Variants in MAP1B observed in about 807,000 individuals in gnomAD.
MAP1B encodes the protein microtubule associated protein 1B.
MAP1B carries 12 observed loss-of-function variants against 176.1 expected under a neutral mutation model. The observed-to-expected ratio is 0.07, with a 90% CI of 0.04 to 0.11. The LOEUF (loss-of-function observed/expected upper bound fraction) is 0.11, where lower values mean the gene tolerates loss of function less well. Among genes scored for constraint, MAP1B ranks in the 10% least tolerant of loss-of-function variants. MAP1B has a pLI of 1.00. For synonymous variants in MAP1B, 1,044 were observed against 1,135.0 expected (o/e 0.92, Z 1.61); for missense variants, 2,523 against 2,990.5 (o/e 0.84, Z 3.65).
chr5:72,181,605 T>G (rs1409346894), intron 2 of MAP1B, among the ~76,000 whole-genome samples: 4 of 152,166 alleles, frequency 2.6e-5, no homozygotes, highest in African/African-American at 4.8e-5. Flanking sequence ...TTACCCAGGC[T>G]AGGGTGCAAT....
At chr5:72,152,938 C>T (rs939913031) in intron 2 of MAP1B, among the ~76,000 whole-genome samples, 6 of 152,184 alleles carry the variant, frequency 3.9e-5, no homozygotes, top group East Asian at 1.9e-4. Context: ...GAAGCAGCAA[C>T]GCAATTCCAC....
Position 72,198,833 on chromosome 5 carries a change from C to T in MAP1B, c.5478C>T (p.Ser1826=), listed in dbSNP as rs769295186. The change falls in exon 5 of 7, where the codon TCC becomes TCT. Residue 1826 remains serine, a synonymous_variant. Coordinates refer to ENST00000296755, the MANE Select transcript of MAP1B (RefSeq NM_005909.5). ...SSSSPPIDAA[S]AEPYGFRASV... The stretch of plus-strand genomic sequence containing the variant: ...CTTCTCCACCAATAGATGCAGCATC[C>T]GCAGAGCCCTATGGCTTCCGTGCCT... 1.1e-5 allele frequency: 18 copies of T among 1,614,066 alleles called. 1 individual carries two copies. Among genetic ancestry groups the T allele is most frequent in the South Asian group, 4.4e-5 (4 of 91,086 alleles).
In MAP1B at chr5:72,117,376, T is replaced by A. The variant is rs541773521; in HGVS notation, c.286+1577T>A. Among the ~76,000 whole-genome samples, 23 of 152,316 alleles carry A rather than the reference T, an allele frequency of 1.5e-4. No individual in the cohort carries two copies. In the Middle Eastern group the frequency reaches 0.01, roughly 68 times the overall value. On this transcript the variant is annotated intron_variant, in intron 2 of 6. Coordinates refer to ENST00000296755, the MANE Select transcript of MAP1B (RefSeq NM_005909.5). ...CAAGCTTTTATTTTTTCTCTGTAGG[T>A]TGTTCTGGCTTTTTTACTATGATTG... is the stretch of plus-strand genomic sequence containing the variant.
At position 72,114,881 on chromosome 5, in the gene MAP1B, A is replaced by T. The variant is rs139823369; in HGVS notation, c.185-817A>T. 9.9e-5 allele frequency among the ~76,000 whole-genome samples: 15 copies of T among 152,186 alleles called. 1 individual carries two copies. The East Asian group carries it at 2.9e-3, about 29-fold the overall frequency. On this transcript the variant is annotated intron_variant, in intron 1 of 6. Coordinates refer to ENST00000296755, the MANE Select transcript of MAP1B (RefSeq NM_005909.5). The stretch of plus-strand genomic sequence containing the variant: ...GCCTAGGGAAAGGAAGTCTGATAGG[A>T]CTTCCTTTCCGTTCAGCCTAGGGTA...
At chr5:72,154,485 G>T (rs1254554714) in intron 2 of MAP1B, among the ~76,000 whole-genome samples, 1 of 152,192 alleles carries the variant, frequency 6.6e-6, no homozygotes, top group Non-Finnish European at 1.5e-5. Context: ...ACTACAGATG[G>T]CCATGGGCAG....
In MAP1B at chr5:72,186,563, G is replaced by A; in HGVS notation, c.370-51G>A. On this transcript the variant is annotated intron_variant, in intron 3 of 6. Transcript: ENST00000296755. This position sits in a 1 kb window ranked among gnomAD's most constrained non-coding sequence, Gnocchi z 4.3. Reference sequence around the variant, plus strand: ...AAGGCTAGCCCTGTCCTGAAGGTGGGATGGCAGCACTGCCCATGGCTCAGG... The same window carrying A: ...AAGGCTAGCCCTGTCCTGAAGGTGGAATGGCAGCACTGCCCATGGCTCAGG... 6.3e-7 allele frequency: 1 copy of A among 1,599,578 alleles called. No homozygotes were observed. Among genetic ancestry groups the A allele is most frequent in the Non-Finnish European group, 8.5e-7 (1 of 1,170,908 alleles).
intron 2 of MAP1B, among the ~76,000 whole-genome samples, chr5:72,119,850 C>A (rs530883995): frequency 6.6e-6 from 1 of 152,282 alleles, no homozygotes; most frequent in African/African-American, 2.4e-5. Flanking sequence ...ATTTTAAATA[C>A]TATCATAAAA....
intron 2 of MAP1B, among the ~76,000 whole-genome samples, chr5:72,167,416 C>T (rs1561304099): frequency 1.3e-5 from 2 of 152,192 alleles, no homozygotes; most frequent in African/African-American, 4.8e-5. Flanking sequence ...GGTTCTCTCT[C>T]TACTACTGTT....
At chr5:72,116,341 A>T (rs190371843) in intron 2 of MAP1B, 1 of 316,962 alleles carries the variant, frequency 3.2e-6, no homozygotes, top group Admixed American at 4.9e-5. Context: ...ATCACCCGCC[A>T]TTGCATTACC....
chr5:72,175,022 C>T (rs1255929322), intron 2 of MAP1B, among the ~76,000 whole-genome samples: 1 of 113,040 alleles, frequency 8.8e-6, no homozygotes, highest in Non-Finnish European at 1.8e-5. Flanking sequence ...TCCCTTCCTT[C>T]CCTCCCTCCC....
intron 2 of MAP1B, among the ~76,000 whole-genome samples, chr5:72,126,177 C>A (rs1198580742): frequency 6.6e-6 from 1 of 152,202 alleles, no homozygotes; most frequent in Non-Finnish European, 1.5e-5. Context: ...ACCCTTCCCC[C>A]TCCGGAGAGA....
rs1377680638 is a variant in MAP1B at position 72,198,481 on chromosome 5, C to T, written c.5126C>T (p.Pro1709Leu). ...CATAAGATACCACCTATGGAGGAGC[C>T]GTCCTACACCCAAGATAATGATCTT... ...LSHKIPPMEE[P>L]SYTQDNDLSE... is the part of the protein sequence containing the mutation. Residue 1709 changes from proline (P) to leucine (L), a missense_variant, in exon 5 of 7, where the codon CCG becomes CTG. Pro to Leu is a moderately conservative substitution (Grantham distance 98, BLOSUM62 -3). Around this residue, in one of 4 missense-constraint regions of MAP1B, gnomAD observed 1,925 missense variants for 2,126.0 expected, o/e 0.91. Transcript: ENST00000296755. The T allele has an allele frequency of 8.1e-6, 13 of 1,613,696 alleles. No homozygotes were observed. The highest frequency in any genetic ancestry group is 1.7e-5 in the Admixed American group (1 of 59,990).
Position 72,195,009 on chromosome 5 carries a change from C to A in MAP1B, c.1654C>A (p.Leu552Ile), listed in dbSNP as rs201983368. ...RESLKPAAKPLPSKSVRKESK... is the reference protein window; with the variant it reads ...RESLKPAAKPIPSKSVRKESK... The stretch of plus-strand genomic sequence containing the variant: ...AAGTCTGAAGCCAGCCGCAAAACCA[C>A]TTCCTAGCAAATCCGTGCGCAAGGA... Residue 552 changes from leucine to isoleucine, a missense_variant, in exon 5 of 7, where the codon CTT becomes ATT. Leu to Ile is a conservative substitution (Grantham distance 5). Coordinates refer to ENST00000296755, the MANE Select transcript of MAP1B (RefSeq NM_005909.5). 6.2e-7 allele frequency: 1 copy of A among 1,613,944 alleles called. No individual in the cohort carries two copies. Among genetic ancestry groups the A allele is most frequent in the Non-Finnish European group, 8.5e-7 (1 of 1,179,968 alleles).
At chr5:72,122,928 T>C (rs574576351) in intron 2 of MAP1B, among the ~76,000 whole-genome samples, 2 of 152,148 alleles carry the variant, frequency 1.3e-5, no homozygotes, top group Non-Finnish European at 2.9e-5. Flanking sequence ...AGAGAGCTCA[T>C]GATTTTTGTT....
At chr5:72,109,711 T>C (rs1579975309) in intron 1 of MAP1B, among the ~76,000 whole-genome samples, 1 of 152,308 alleles carries the variant, frequency 6.6e-6, no homozygotes, top group Middle Eastern at 3.4e-3. Context: ...GCAGCGTCAC[T>C]CGTTTTCTGA....
chr5:72,192,418 A>G (rs985583524), intron 4 of MAP1B, among the ~76,000 whole-genome samples: 1 of 152,266 alleles, frequency 6.6e-6, no homozygotes, highest in Non-Finnish European at 1.5e-5. Flanking sequence ...GAAAAACAGC[A>G]AAGTTTTATT....
intron 2 of MAP1B, among the ~76,000 whole-genome samples, chr5:72,181,247 A>G (rs930190291): frequency 2.3e-4 from 35 of 152,132 alleles, no homozygotes; most frequent in African/African-American, 8.5e-4. Flanking sequence ...GGTAACAGTG[A>G]TGGTGGTTGG....
chr5:72,159,611 T>C (rs1279013511), intron 2 of MAP1B, among the ~76,000 whole-genome samples: 2 of 152,354 alleles, frequency 1.3e-5, no homozygotes, highest in African/African-American at 4.8e-5. Context: ...ATTTAACTTA[T>C]GCCCTGGAGG....
chr5:72,113,239 G>A (rs1745375866), intron 1 of MAP1B, among the ~76,000 whole-genome samples: 1 of 152,026 alleles, frequency 6.6e-6, no homozygotes, highest in South Asian at 2.1e-4. Context: ...AAAATAGCTG[G>A]CAAATCCAAC....
Sources: allele counts gnomAD v4.1 joint callset (sites outside exome capture counted in the v4.1 genomes callset), GRCh38; gene constraint gnomAD v4.1.1; regional missense constraint gnomAD v4.1.1; non-coding constraint Gnocchi (gnomAD v3.1); transcripts MANE v1.5; gene names NCBI Gene and HGNC (gene_info 2026-07-23, HGNC 2026-07-21).